Variants in NTM observed in about 807,000 individuals in gnomAD.
The protein encoded by NTM is IgLON family member 2.
NTM carries 13 observed loss-of-function variants against 42.1 expected under a neutral mutation model. The ratio of observed to expected loss-of-function variants is 0.31; its 90% CI spans 0.20 to 0.49. The LOEUF (loss-of-function observed/expected upper bound fraction) is 0.49, where lower values mean the gene tolerates loss of function less well. Among genes scored for constraint, NTM ranks in the 20% least tolerant of loss-of-function variants. NTM has a pLI of 0.99. For missense variants in NTM, 373 were observed against 452.8 expected, an observed-to-expected ratio of 0.82 and a Z score of 1.60; for synonymous variants, 187 against 179.2, an observed-to-expected ratio of 1.04 and a Z score of -0.35.
chr11:131,935,127 T>C (rs537591282), intron 2 of NTM, among the ~76,000 whole-genome samples: 6 of 152,244 alleles, frequency 3.9e-5, no homozygotes, highest in East Asian at 1.9e-4. Context: ...GCTGATGGGG[T>C]TGATAAGTTA....
chr11:131,916,453 G>A (rs953739887), intron 2 of NTM, among the ~76,000 whole-genome samples: 1 of 152,216 alleles, frequency 6.6e-6, no homozygotes, highest in African/African-American at 2.4e-5. Flanking sequence ...TTAGCGATTG[G>A]ATGATGTTGT....
chr11:131,405,429 C>G (rs568652135), intron 1 of NTM, among the ~76,000 whole-genome samples: 2 of 100,304 alleles, frequency 2.0e-5, no homozygotes, highest in Non-Finnish European at 4.6e-5. Context: ...AACTTATTGC[C>G]CAAACCAAAA....
intron 2 of NTM, among the ~76,000 whole-genome samples, chr11:131,932,031 AG>A (rs1383280258): frequency 1.3e-5 from 2 of 152,368 alleles, no homozygotes; most frequent in South Asian, 4.1e-4. Context: ...TGTCAGAACC[AG>A]GAAGACTGAT....
At chr11:132,090,493 C>A (rs2060252597) in intron 2 of NTM, among the ~76,000 whole-genome samples, 1 of 152,138 alleles carries the variant, frequency 6.6e-6, no homozygotes. Flanking sequence ...AGGGTGCCAT[C>A]TATGGTTACC....
At chr11:131,628,384 A>G (rs1362563731) in intron 1 of NTM, among the ~76,000 whole-genome samples, 1 of 152,260 alleles carries the variant, frequency 6.6e-6, no homozygotes, top group African/African-American at 2.4e-5. Context: ...AGTATTTGGC[A>G]TGTAATAAAT....
intron 8 of NTM, among the ~76,000 whole-genome samples, chr11:132,334,064 C>A (rs1400595108): frequency 6.6e-6 from 1 of 152,218 alleles, no homozygotes; most frequent in African/African-American, 2.4e-5. Context: ...ACAGAGTATG[C>A]CAGAGCAGGT....
At chr11:132,201,872 GT>G (rs2081211759) in intron 3 of NTM, among the ~76,000 whole-genome samples, 1 of 152,182 alleles carries the variant, frequency 6.6e-6, no homozygotes, top group South Asian at 2.1e-4. Context: ...TTCTAGCTCA[GT>G]GGCTTCGAGC....
At chr11:131,912,830 G>C (rs1258717180) in intron 2 of NTM, among the ~76,000 whole-genome samples, 3 of 152,142 alleles carry the variant, frequency 2.0e-5, no homozygotes, top group African/African-American at 7.2e-5. Context: ...GGTTGTTTTG[G>C]ACTGTATACT....
chr11:131,994,215 A>G (rs1263268108), intron 2 of NTM, among the ~76,000 whole-genome samples: 2 of 152,120 alleles, frequency 1.3e-5, no homozygotes, highest in East Asian at 1.9e-4. Flanking sequence ...TGTATTCTTT[A>G]TTGTTATTTA....
intron 1 of NTM, among the ~76,000 whole-genome samples, chr11:131,463,059 G>A (rs988371224): frequency 5.3e-5 from 8 of 152,182 alleles, no homozygotes; most frequent in African/African-American, 1.9e-4. Flanking sequence ...GCCCTTTAGA[G>A]AGCTGCCCTC....
At chr11:131,686,721 C>A (rs1295347227) in intron 1 of NTM, among the ~76,000 whole-genome samples, 1 of 152,218 alleles carries the variant, frequency 6.6e-6, no homozygotes, top group African/African-American at 2.4e-5. Flanking sequence ...CCCCTCATGG[C>A]TCAGTCCCAC....
At position 132,146,768 on chromosome 11, in the gene NTM, T is replaced by G. The variant is rs1362914379; in HGVS notation, c.400+254T>G. On this transcript the variant is annotated intron_variant, in intron 3 of 8. Coordinates refer to ENST00000683400, the MANE Select transcript of NTM (RefSeq NM_001352005.2). The surrounding 1 kb of genome is among the most constrained non-coding windows in gnomAD (Gnocchi z 4.5). ...TTCTCAGGAAATTATCTTGTAATTATTGCTCTTCTTGGCTTTTTTCTCCCC... is the reference window on the plus strand; with the variant it reads ...TTCTCAGGAAATTATCTTGTAATTAGTGCTCTTCTTGGCTTTTTTCTCCCC... The G allele has an allele frequency of 4.5e-6, 2 of 442,006 alleles. No individual in the cohort carries two copies. The highest frequency in any genetic ancestry group is 7.0e-5 in the East Asian group (2 of 28,654). The allele number at this position is 442,006 out of a possible 1,614,324, so 27.4% of individuals were successfully genotyped here.
rs573177709 is a variant in NTM at position 131,788,610 on chromosome 11, C to T, written c.83-122954C>T. Among the ~76,000 whole-genome samples, 129 of 152,272 alleles carry T rather than the reference C, an allele frequency of 8.5e-4. 1 individual carries two copies. The highest frequency in any genetic ancestry group is 2.6e-3 in the African/African-American group (110 of 41,550). On this transcript the variant is annotated intron_variant, in intron 1 of 8. Coordinates refer to ENST00000683400, the MANE Select transcript of NTM (RefSeq NM_001352005.2). Reference sequence around the variant, plus strand: ...TGAAAACAATATAAAATATAACTTCCTCACCAAGACTGACTTTCACCCATC... The same window carrying T: ...TGAAAACAATATAAAATATAACTTCTTCACCAAGACTGACTTTCACCCATC...
At chr11:131,509,815 A>G (rs1162006866) in intron 1 of NTM, among the ~76,000 whole-genome samples, 2 of 152,238 alleles carry the variant, frequency 1.3e-5, no homozygotes, top group Non-Finnish European at 2.9e-5. Context: ...CTGTGTAACT[A>G]GAAAACTGTT....
intron 1 of NTM, among the ~76,000 whole-genome samples, chr11:131,835,327 C>G (rs1247646432): frequency 6.6e-6 from 1 of 151,900 alleles, no homozygotes; most frequent in African/African-American, 2.4e-5. Context: ...TCTTTCTAGT[C>G]TGAATAGTTA....
intron 1 of NTM, among the ~76,000 whole-genome samples, chr11:131,527,528 G>T (rs2050671626): frequency 1.3e-5 from 2 of 152,162 alleles, no homozygotes; most frequent in African/African-American, 4.8e-5. Context: ...CTGGATATAG[G>T]CCATTGAACT....
chr11:131,433,554 G>A (rs143873781), intron 1 of NTM, among the ~76,000 whole-genome samples: 58 of 152,228 alleles, frequency 3.8e-4, no homozygotes, highest in African/African-American at 1.4e-3. Context: ...TGAGGAAAGG[G>A]TAAGCAACTT....
chr11:132,132,163 C>T lies in NTM; in HGVS notation c.168-14119C>T, dbSNP rs536120314. Among the ~76,000 whole-genome samples the T allele has an allele frequency of 7.9e-5, 12 of 152,292 alleles. No individual in the cohort carries two copies. In the South Asian group the frequency reaches 2.5e-3, roughly 32 times the overall value. ...ATACCTGTGCGACCACTGCCCCGCC[C>T]CCATCTGCTCCCCCAATCCCCGTCA... On this transcript the variant is annotated intron_variant, in intron 2 of 8. Transcript: ENST00000683400.
intron 4 of NTM, among the ~76,000 whole-genome samples, chr11:132,221,715 G>A (rs1271596422): frequency 6.6e-6 from 1 of 152,178 alleles, no homozygotes; most frequent in Non-Finnish European, 1.5e-5. Context: ...TCTGTGCCCA[G>A]CAATCTTCTT....
Sources: allele counts gnomAD v4.1 joint callset (sites outside exome capture counted in the v4.1 genomes callset), GRCh38; gene constraint gnomAD v4.1.1; non-coding constraint Gnocchi (gnomAD v3.1); transcripts MANE v1.5; gene names NCBI Gene and HGNC (gene_info 2026-07-23, HGNC 2026-07-21).